Variants in URB1 observed in about 807,000 individuals in gnomAD.
URB1 encodes the protein nucleolar pre-ribosomal-associated protein 1.
In URB1, 197 loss-of-function variants were observed where a neutral mutation model predicts 242.3. The ratio of observed to expected loss-of-function variants is 0.81; its 90% CI spans 0.72 to 0.91. The LOEUF is 0.91. URB1 is among the 40% of genes least tolerant of loss of function. The pLI is 0.00. For synonymous variants in URB1, 1,153 were observed against 1,201.8 expected (o/e 0.96, Z 0.84); for missense variants, 2,721 against 2,860.5 (o/e 0.95, Z 1.11).
At chr21:32,334,415 A>G in intron 28 of URB1, 81 bp from the exon 29 acceptor site, 2 of 1,437,682 alleles carry the variant, frequency 1.4e-6, no homozygotes, top group South Asian at 2.8e-5. Context: ...AACAGGTAGC[A>G]GTTGTCAGGC....
chr21:32,385,343 TTAA>T (rs1180082831), intron 2 of URB1, among the ~76,000 whole-genome samples, 199 bp downstream of exon 2: 3 of 152,224 alleles, frequency 2.0e-5, no homozygotes, highest in Admixed American at 6.5e-5. Context: ...TCATCAAATG[TTAA>T]TAATAAGTGA....
intron 10 of URB1, among the ~76,000 whole-genome samples, chr21:32,366,311 T>C (rs1017252718): frequency 4.6e-5 from 7 of 152,298 alleles, no homozygotes; most frequent in African/African-American, 1.7e-4. Context: ...CATTCTTTCA[T>C]CCTCAGGCAG....
Position 32,322,559 on chromosome 21 carries a change from G to T in URB1, c.5259C>A (p.Ser1753Arg). The T allele has an allele frequency of 6.4e-7, 1 of 1,551,994 alleles. No individual in the cohort carries two copies. The highest frequency in any genetic ancestry group is 8.7e-7 in the Non-Finnish European group (1 of 1,147,048). The change falls in exon 33 of 39, where the codon AGC (serine) becomes AGA (arginine). Residue 1753 changes from serine (S) to arginine (R), a missense_variant. By Grantham distance (110) the Ser-to-Arg change is moderately radical. Coordinates refer to ENST00000382751, the MANE Select transcript of URB1 (RefSeq NM_014825.3). ...KPEEHMYLKVSNFLLSHEYLN... is the reference protein window; with the variant it reads ...KPEEHMYLKVRNFLLSHEYLN... Reference sequence around the variant, plus strand: ...AGTACTCATGCGACAGCAGGAAGTTGCTGACCTTCAGGTACATGTGCTCCT... The same window carrying T: ...AGTACTCATGCGACAGCAGGAAGTTTCTGACCTTCAGGTACATGTGCTCCT...
At position 32,368,582 on chromosome 21, in the gene URB1, G is replaced by T; in HGVS notation, c.1018C>A (p.Leu340Ile). 1 of 1,550,820 alleles carries T rather than the reference G, an allele frequency of 6.4e-7. No homozygotes were observed. The highest frequency in any genetic ancestry group is 8.7e-7 in the Non-Finnish European group (1 of 1,146,670). Residue 340 changes from leucine to isoleucine, a missense_variant, in exon 9 of 39, where the codon CTC becomes ATC. Leu to Ile is a conservative substitution (Grantham distance 5, BLOSUM62 2). Transcript: ENST00000382751. Reference protein sequence around the residue: ...GTFGRGGNLTLLHFLLGLKTA... With the variant: ...GTFGRGGNLTILHFLLGLKTA... ...TTCAAACCCAGCAAGAAGTGCAAGAGTGTCAGGTTTCCGCCTCTGTTAGAG... is the reference window on the plus strand; with the variant it reads ...TTCAAACCCAGCAAGAAGTGCAAGATTGTCAGGTTTCCGCCTCTGTTAGAG...
intron 12 of URB1, 36 bp from the exon 13 acceptor site, chr21:32,361,159 A>AAAAGAAAAGAAAG (rs2033280432): frequency 3.8e-6 from 1 of 264,830 alleles, no homozygotes; most frequent in African/African-American, 2.9e-5. Context: ...AAAAAGAGAA[A>AAAAGAAAAGAAAG]AAAGAAAGAA....
In URB1 at chr21:32,314,789, T is replaced by C; in HGVS notation, c.*129A>G. ...CTCTCAACTTTTCTTGTCAAAGAAC[T>C]GAGCCAATGTACTGAACCTGTTGTT... is the stretch of plus-strand genomic sequence containing the variant. On this transcript the variant is annotated 3_prime_UTR_variant, in exon 39 of 39. Transcript: ENST00000382751. 1 of 1,447,780 alleles carries C rather than the reference T, an allele frequency of 6.9e-7. No individual in the cohort carries two copies. Among genetic ancestry groups the C allele is most frequent in the East Asian group, 2.5e-5 (1 of 40,282 alleles). The allele number at this position is 1,447,780 out of a possible 1,614,324, so 89.7% of individuals were successfully genotyped here.
rs371990843 is a variant in URB1 at position 32,366,734 on chromosome 21, T to C, written c.1219A>G (p.Ile407Val). The change falls in exon 10 of 39, where the codon ATT (isoleucine) becomes GTT (valine). Residue 407 changes from isoleucine (I) to valine (V), a missense_variant. Ile to Val is a conservative substitution (Grantham distance 29). Transcript: ENST00000382751. Reference sequence around the variant, plus strand: ...TCTCTGGTCTGAAATGCCCGGGAAATCTCCGGCTGAGCCTCATAGATCTAG... The same window carrying C: ...TCTCTGGTCTGAAATGCCCGGGAAACCTCCGGCTGAGCCTCATAGATCTAG... ...LNKIYEAQPE[I>V]SRAFQTREFI... 20 of 1,551,254 alleles carry C rather than the reference T, an allele frequency of 1.3e-5. No individual in the cohort carries two copies. In the African/African-American group the frequency reaches 2.6e-4, roughly 20 times the overall value.
At chr21:32,359,725 T>G in intron 14 of URB1, 71 bp downstream of exon 14, 1 of 1,354,080 alleles carries the variant, frequency 7.4e-7, no homozygotes, top group Non-Finnish European at 9.9e-7. Context: ...AATTAGCAAT[T>G]CATCAGGCCA....
intron 10 of URB1, 75 bp downstream of exon 10, chr21:32,366,543 C>G (rs2033348678): frequency 6.5e-7 from 1 of 1,532,264 alleles, no homozygotes; most frequent in African/African-American, 1.4e-5. Context: ...GGCCAGTTCT[C>G]AGAATAATCA....
chr21:32,390,493 T>G (rs2033626265), intron 1 of URB1, among the ~76,000 whole-genome samples: 1 of 152,070 alleles, frequency 6.6e-6, no homozygotes, highest in South Asian at 2.1e-4. Flanking sequence ...TGTAAATTTG[T>G]TTGAGTTCAT....
chr21:32,355,303 A>T, intron 16 of URB1, 146 bp downstream of exon 16: 1 of 731,452 alleles, frequency 1.4e-6, no homozygotes, highest in Non-Finnish European at 2.2e-6. Context: ...AAAACTATGT[A>T]GATTCTGAAG....
At position 32,316,453 on chromosome 21, in the gene URB1, G is replaced by C. The variant is rs1455219873; in HGVS notation, c.6634+13C>G. 3 of 1,479,836 alleles carry C rather than the reference G, an allele frequency of 2.0e-6. No homozygotes were observed. The East Asian group carries it at 7.5e-5, about 37-fold the overall frequency. 91.7% of individuals were successfully genotyped at this position (1,479,836 alleles called of 1,614,324 possible). The stretch of plus-strand genomic sequence containing the variant: ...TCTATTTCTTCAGCCTCCAACAAAA[G>C]AACCAGCCTTACCTTGTGTGGCTTC... On this transcript the variant is annotated intron_variant, in intron 38 of 38. Coordinates refer to ENST00000382751, the MANE Select transcript of URB1 (RefSeq NM_014825.3).
intron 15 of URB1, 129 bp from the exon 16 acceptor site, chr21:32,355,694 C>T (rs1309644881): frequency 1.5e-5 from 11 of 733,226 alleles, no homozygotes; most frequent in South Asian, 5.1e-5. Context: ...CTGCAACCTC[C>T]GCCTCCCGGG....
rs968903605 is a variant in URB1, at chr21:32,355,487, C to T, written c.2068G>A (p.Glu690Lys). 6.4e-7 allele frequency: 1 copy of T among 1,551,734 alleles called. No homozygotes were observed. Among genetic ancestry groups the T allele is most frequent in the African/African-American group, 1.4e-5 (1 of 73,066 alleles). Residue 690 changes from glutamate (E) to lysine (K), a missense_variant, in exon 16 of 39, where the codon GAA (glutamate) becomes AAA (lysine). Physicochemically the swap from Glu to Lys is moderately conservative, Grantham distance 56. Transcript: ENST00000382751. ...LWLEHLENTMEEDKETVIQFL... is the reference protein window; with the variant it reads ...LWLEHLENTMKEDKETVIQFL... ...TGAATCACAGTCTCTTTGTCCTCTT[C>T]CATGGTGTTCTCTAAATGCTCCAGC...
chr21:32,347,874 C>T, intron 21 of URB1, 63 bp from the exon 22 acceptor site: 2 of 1,466,088 alleles, frequency 1.4e-6, no homozygotes, highest in Non-Finnish European at 9.0e-7. Context: ...GGGGCGGCAG[C>T]TGCCACGCAA....
At chr21:32,342,709 G>GC (rs61234714) in intron 24 of URB1, among the ~76,000 whole-genome samples, 148,700 of 148,700 alleles carry the variant, frequency 1, 74,350 homozygotes, top group Non-Finnish European at 1. Context: ...ATCTCCTCTC[G>GC]CTCCAGAGCA....
chr21:32,341,316 T>C (rs2033026098), intron 25 of URB1, 150 bp downstream of exon 25: 4 of 724,704 alleles, frequency 5.5e-6, no homozygotes, highest in Middle Eastern at 2.5e-4. Flanking sequence ...AGGCAAATCA[T>C]TTAACTTCTC....
At chr21:32,323,313 C>T (rs1438496109) in intron 32 of URB1, among the ~76,000 whole-genome samples, 2 of 152,182 alleles carry the variant, frequency 1.3e-5, no homozygotes, top group Non-Finnish European at 2.9e-5. Context: ...AACTGTGGGG[C>T]CTTGACAAGC....
Position 32,357,565 on chromosome 21 carries a change from T to C in URB1, c.1961A>G (p.Lys654Arg). The stretch of plus-strand genomic sequence containing the variant: ...CATGATCAGAAGTTTGGTCAATGAC[T>C]TCAGTTGTAAATGGCTACTGGTCAC... Reference protein sequence around the residue: ...MFVTSSHLQLKSLTKLLIMKI... With the variant: ...MFVTSSHLQLRSLTKLLIMKI... Residue 654 changes from lysine (K) to arginine (R), a missense_variant, in exon 15 of 39, where the codon AAG (lysine) becomes AGG (arginine). Transcript: ENST00000382751. 6.5e-7 allele frequency: 1 copy of C among 1,530,074 alleles called. No individual in the cohort carries two copies. The highest frequency in any genetic ancestry group is 8.8e-7 in the Non-Finnish European group (1 of 1,140,604). 94.8% of individuals were successfully genotyped at this position (1,530,074 alleles called of 1,614,324 possible).
Sources: allele counts gnomAD v4.1 joint callset (sites outside exome capture counted in the v4.1 genomes callset), GRCh38; gene constraint gnomAD v4.1.1; transcripts MANE v1.5; gene names NCBI Gene and HGNC (gene_info 2026-07-23, HGNC 2026-07-21).